NPFFR2: variants seen among roughly 807,000 people sequenced by gnomAD.
The protein encoded by NPFFR2 is G-protein coupled receptor 74.
Under a neutral mutation model 13.1 loss-of-function variants are expected in NPFFR2, and 15 were observed. The ratio of observed to expected loss-of-function variants is 1.15; its 90% confidence interval spans 0.77 to 1.76. The LOEUF (loss-of-function observed/expected upper bound fraction) is 1.76. Among genes scored for constraint, NPFFR2 ranks in the 40% most tolerant of loss-of-function variants. The pLI is 0.00. For synonymous variants in NPFFR2, 190 were observed against 175.7 expected (o/e 1.08, Z -0.65); for missense variants, 572 against 503.5 (o/e 1.14, Z -1.30).
intron 1 of NPFFR2, among the ~76,000 whole-genome samples, chr4:72,059,479 T>C (rs972079174): frequency 2.6e-5 from 4 of 152,108 alleles, no homozygotes; most frequent in Admixed American, 6.6e-5. Context: ...TTCCAAGACT[T>C]ATCTGTCTTC....
rs912932135 is a variant in NPFFR2, at chr4:72,034,454, T to C, written c.-8+2254T>C. Among the ~76,000 whole-genome samples the C allele has an allele frequency of 6.6e-5, 10 of 152,168 alleles. No homozygotes were observed. The East Asian group carries it at 1.2e-3, about 18-fold the overall frequency. On this transcript the variant is annotated intron_variant, in intron 1 of 3. Coordinates refer to ENST00000308744, the MANE Select transcript of NPFFR2 (RefSeq NM_004885.3). ...TCAGATCTCATGAGAACTCACTCAC[T>C]ATCATGAGAATAACATGGTGGTAGC... is the stretch of plus-strand genomic sequence containing the variant.
At chr4:72,136,658 A>G (rs907475382) in intron 2 of NPFFR2, among the ~76,000 whole-genome samples, 3 of 152,200 alleles carry the variant, frequency 2.0e-5, no homozygotes, top group Admixed American at 2.0e-4. Flanking sequence ...TGGCTGTTAC[A>G]TTCCACATTG....
chr4:72,104,381 G>A (rs886231341), intron 1 of NPFFR2, among the ~76,000 whole-genome samples: 14 of 152,040 alleles, frequency 9.2e-5, no homozygotes, highest in Admixed American at 2.6e-4. Flanking sequence ...AGCTGCCAGA[G>A]CAACCATATT....
chr4:72,108,994 T>G (rs1721492074), intron 1 of NPFFR2, among the ~76,000 whole-genome samples: 1 of 152,004 alleles, frequency 6.6e-6, no homozygotes, highest in Non-Finnish European at 1.5e-5. Flanking sequence ...CTTATATTAA[T>G]AAATTACAAA....
In NPFFR2 at chr4:72,147,738, A is replaced by G. The variant is rs1224500853; in HGVS notation, c.1189A>G (p.Lys397Glu). ...NPHGETLLYR[K>E]SAEKPQQELV... ...TCATGGGGAAACCTTGCTTTATAGG[A>G]AAAGTGCTGAAAAACCCCAACAGGA... Residue 397 changes from lysine (K) to glutamate (E), a missense_variant, in exon 4 of 4, where the codon AAA (lysine) becomes GAA (glutamate). Lys to Glu is a moderately conservative substitution (Grantham distance 56). Coordinates refer to ENST00000308744, the MANE Select transcript of NPFFR2 (RefSeq NM_004885.3). The G allele has an allele frequency of 1.2e-6, 2 of 1,601,730 alleles. No homozygotes were observed. The highest frequency in any genetic ancestry group is 1.7e-6 in the Non-Finnish European group (2 of 1,177,128).
At chr4:72,051,257 C>T (rs1439260015) in intron 1 of NPFFR2, among the ~76,000 whole-genome samples, 1 of 151,930 alleles carries the variant, frequency 6.6e-6, no homozygotes, top group Non-Finnish European at 1.5e-5. Flanking sequence ...AAGCTCTCCT[C>T]AGCAAATGTA....
At chr4:72,051,083 A>C (rs1719558859) in intron 1 of NPFFR2, among the ~76,000 whole-genome samples, 1 of 151,862 alleles carries the variant, frequency 6.6e-6, no homozygotes, top group African/African-American at 2.4e-5. Context: ...ACGTGTGCAT[A>C]TGTCTTTATA....
chr4:72,115,144 C>T (rs181688430), intron 1 of NPFFR2, among the ~76,000 whole-genome samples: 1 of 152,190 alleles, frequency 6.6e-6, no homozygotes, highest in African/African-American at 2.4e-5. Context: ...TGTTTCTAAA[C>T]TTTTCCTATA....
chr4:72,132,790 A>G (rs939556669), intron 2 of NPFFR2, among the ~76,000 whole-genome samples: 4 of 152,086 alleles, frequency 2.6e-5, no homozygotes, highest in African/African-American at 7.2e-5. Context: ...GGCCACATGT[A>G]TGTCTTCTTT....
In NPFFR2 at chr4:72,068,453, G is replaced by A. The variant is rs193155079; in HGVS notation, c.-8+36253G>A. Among the ~76,000 whole-genome samples the A allele has an allele frequency of 1.5e-4, 23 of 152,258 alleles. No homozygotes were observed. The East Asian group carries it at 4.4e-3, about 29-fold the overall frequency. On this transcript the variant is annotated intron_variant, in intron 1 of 3. Coordinates refer to ENST00000308744, the MANE Select transcript of NPFFR2 (RefSeq NM_004885.3). Reference sequence around the variant, plus strand: ...CTCATGCTCTAATCACTTCTTAAAGGCCCTACAATAGTACTTAATAATATC... The same window carrying A: ...CTCATGCTCTAATCACTTCTTAAAGACCCTACAATAGTACTTAATAATATC...
intron 1 of NPFFR2, among the ~76,000 whole-genome samples, chr4:72,043,367 A>G (rs1177668883): frequency 6.6e-6 from 1 of 152,204 alleles, no homozygotes; most frequent in African/African-American, 2.4e-5. Context: ...AGAAGAGGCT[A>G]CTGTCTTCTA....
intron 1 of NPFFR2, among the ~76,000 whole-genome samples, chr4:72,091,249 G>A (rs1312013915): frequency 2.0e-5 from 3 of 151,962 alleles, no homozygotes; most frequent in Non-Finnish European, 4.4e-5. Flanking sequence ...ATTTCGTTGA[G>A]GATTTTTGCA....
At chr4:72,032,244 C>T in intron 1 of NPFFR2, 44 bp downstream of exon 1, 1 of 1,540,948 alleles carries the variant, frequency 6.5e-7, no homozygotes, top group Admixed American at 1.9e-5. Flanking sequence ...CGCTTGGGGG[C>T]GCGACCCCTC....
intron 1 of NPFFR2, among the ~76,000 whole-genome samples, chr4:72,052,953 G>C (rs1393296843): frequency 6.6e-6 from 1 of 151,706 alleles, no homozygotes; most frequent in Non-Finnish European, 1.5e-5. Context: ...CTATGACCTA[G>C]AACACCCCTA....
chr4:72,052,722 G>A (rs2109766750), intron 1 of NPFFR2, among the ~76,000 whole-genome samples: 1 of 152,056 alleles, frequency 6.6e-6, no homozygotes, highest in Admixed American at 6.6e-5. Context: ...CCTGATTTAG[G>A]AGAGATTAAC....
At chr4:72,110,313 T>C (rs1721530367) in intron 1 of NPFFR2, among the ~76,000 whole-genome samples, 1 of 152,046 alleles carries the variant, frequency 6.6e-6, no homozygotes, top group Non-Finnish European at 1.5e-5. Context: ...TCCTGAGGCC[T>C]TCTCAGCCAT....
chr4:72,125,184 C>T (rs1722003883), intron 1 of NPFFR2, among the ~76,000 whole-genome samples: 2 of 152,186 alleles, frequency 1.3e-5, no homozygotes, highest in South Asian at 4.1e-4. Context: ...AAAAGCTCAT[C>T]ATCACTGGTC....
chr4:72,040,592 G>C (rs748475290), intron 1 of NPFFR2, among the ~76,000 whole-genome samples: 2 of 151,978 alleles, frequency 1.3e-5, no homozygotes, highest in African/African-American at 4.8e-5. Flanking sequence ...CTTCACAAAT[G>C]TTCTTAGCTT....
intron 1 of NPFFR2, among the ~76,000 whole-genome samples, chr4:72,051,498 T>G (rs993952579): frequency 6.6e-6 from 1 of 151,022 alleles, no homozygotes; most frequent in African/African-American, 2.4e-5. Flanking sequence ...CAAAGCAGTG[T>G]GTAGAGGGAA....
Sources: gnomAD v4.1 joint callset for allele counts (sites outside exome capture counted in the v4.1 genomes callset) on GRCh38, gnomAD v4.1.1 for gene constraint, MANE v1.5 for transcripts, NCBI Gene and HGNC (gene_info 2026-07-23, HGNC 2026-07-21) for gene names.